C10orf90: variants seen among roughly 807,000 people sequenced by gnomAD.
C10orf90 encodes chromosome 10 open reading frame 90, also known as (E2-independent) E3 ubiquitin-conjugating enzyme FATS.
C10orf90 carries 56 observed loss-of-function variants against 62.5 expected under a neutral mutation model. That is an observed-to-expected ratio of 0.90 (90% CI 0.72 to 1.12). C10orf90 has a LOEUF of 1.12. Ranked by LOEUF, C10orf90 falls within the 50% of genes most tolerant of loss-of-function variation. The pLI is 0.00. For missense variants in C10orf90, 970 were observed against 880.4 expected (o/e 1.10, Z -1.29); for synonymous variants, 386 against 340.4 (o/e 1.13, Z -1.47).
intron 7 of C10orf90, among the ~76,000 whole-genome samples, chr10:126,440,779 A>G (rs1470310651): frequency 1.3e-5 from 2 of 152,178 alleles, no homozygotes; most frequent in African/African-American, 4.8e-5. Context: ...GGCTGGACCC[A>G]GAAGAGAGAT....
rs796970317 is a variant in C10orf90 at position 126,634,825 on chromosome 10, A to G, written c.313+11740T>C. On this transcript the variant is annotated intron_variant, in intron 2 of 9. Coordinates refer to ENST00000488181, the MANE Select transcript of C10orf90 (RefSeq NM_001350921.2). ...GAGCTGGGATTTTCCAAAGCCTCCT[A>G]TTTTCACCCAGACACTGACTCTCAA... Among the ~76,000 whole-genome samples the G allele has an allele frequency of 1.1e-4, 17 of 152,302 alleles. 1 individual carries two copies. Among genetic ancestry groups the G allele is most frequent in the African/African-American group, 3.8e-4 (16 of 41,566 alleles).
intron 2 of C10orf90, among the ~76,000 whole-genome samples, chr10:126,616,074 C>G (rs1845534534): frequency 6.6e-6 from 1 of 152,176 alleles, no homozygotes; most frequent in African/African-American, 2.4e-5. Flanking sequence ...TTCTGCTGGA[C>G]CATTGACCAG....
intron 2 of C10orf90, among the ~76,000 whole-genome samples, chr10:126,567,291 C>T (rs981622676): frequency 6.6e-6 from 1 of 152,120 alleles, no homozygotes; most frequent in East Asian, 1.9e-4. Flanking sequence ...GGCATGTCTT[C>T]ACTTGGCTGG....
At chr10:126,617,148 G>C (rs1395120581) in intron 2 of C10orf90, among the ~76,000 whole-genome samples, 1 of 152,180 alleles carries the variant, frequency 6.6e-6, no homozygotes, top group Non-Finnish European at 1.5e-5. Context: ...ACATTTCTCT[G>C]TGTGGCGGGG....
intron 2 of C10orf90, among the ~76,000 whole-genome samples, chr10:126,572,579 G>A (rs1844529055): frequency 6.6e-6 from 1 of 151,976 alleles, no homozygotes; most frequent in Non-Finnish European, 1.5e-5. Context: ...GGTGGGAGTG[G>A]AGCAGTGAGG....
intron 4 of C10orf90, among the ~76,000 whole-genome samples, chr10:126,495,281 T>C (rs1861981469): frequency 6.6e-6 from 1 of 152,184 alleles, no homozygotes; most frequent in Admixed American, 6.5e-5. Flanking sequence ...CCTGGCACTT[T>C]GGGAGGCCGA....
At chr10:126,538,797 C>T (rs1389328829) in intron 2 of C10orf90, among the ~76,000 whole-genome samples, 1 of 152,166 alleles carries the variant, frequency 6.6e-6, no homozygotes, top group African/African-American at 2.4e-5. Flanking sequence ...ACCATTCTAC[C>T]TCTGCTTATT....
chr10:126,478,778 T>A (rs1237330159), intron 4 of C10orf90, among the ~76,000 whole-genome samples: 1 of 152,048 alleles, frequency 6.6e-6, no homozygotes, highest in Non-Finnish European at 1.5e-5. Context: ...CTGGCCTTGG[T>A]CTTGTCCTTT....
chr10:126,658,497 C>T (rs1309920107), intron 1 of C10orf90, among the ~76,000 whole-genome samples: 2 of 152,184 alleles, frequency 1.3e-5, no homozygotes, highest in Non-Finnish European at 2.9e-5. Context: ...CTATAAGCTA[C>T]AAAAAACATG....
chr10:126,433,737 C>G (rs766349296), intron 7 of C10orf90, among the ~76,000 whole-genome samples: 1 of 151,982 alleles, frequency 6.6e-6, no homozygotes, highest in African/African-American at 2.4e-5. Context: ...AAAACGAAAA[C>G]AAAACAAAAC....
chr10:126,504,361 A>G lies in C10orf90; in HGVS notation c.1130T>C (p.Ile377Thr). The G allele has an allele frequency of 6.2e-7, 1 of 1,614,160 alleles. No homozygotes were observed. Among genetic ancestry groups the G allele is most frequent in the Non-Finnish European group, 8.5e-7 (1 of 1,180,040 alleles). ...SLSVPIEPPQ[I>T]ASPKMHRSVL... ...GGATCTGTGCATTTTGGGGCTGGCA[A>G]TTTGAGGTGGCTCAATGGGGACGGA... Residue 377 changes from isoleucine (I) to threonine (T), a missense_variant, in exon 4 of 10, where the codon ATT becomes ACT. Physicochemically the swap from Ile to Thr is moderately conservative, Grantham distance 89. Transcript: ENST00000488181. The surrounding 1 kb of genome is among the most constrained non-coding windows in gnomAD (Gnocchi z 4.1).
intron 4 of C10orf90, among the ~76,000 whole-genome samples, chr10:126,494,746 A>T (rs1419938605): frequency 1.3e-5 from 2 of 152,252 alleles, no homozygotes; most frequent in Non-Finnish European, 2.9e-5. Flanking sequence ...ACCAGTTTAT[A>T]TACTTCTCAT....
intron 4 of C10orf90, among the ~76,000 whole-genome samples, chr10:126,472,753 G>A (rs929960972): frequency 2.6e-5 from 4 of 152,216 alleles, no homozygotes; most frequent in African/African-American, 7.2e-5. Flanking sequence ...TCCCCACAGA[G>A]TGAAATGTCT....
rs1350461912 is a variant in C10orf90 at position 126,581,458 on chromosome 10, G to T, written c.313+65107C>A. Reference sequence around the variant, plus strand: ...GGTCCTGTCATCATGCCTTCTTCAGGGATGCTGCACTCTGCATCCCTAAAG... The same window carrying T: ...GGTCCTGTCATCATGCCTTCTTCAGTGATGCTGCACTCTGCATCCCTAAAG... On this transcript the variant is annotated intron_variant, in intron 2 of 9. Coordinates refer to ENST00000488181, the MANE Select transcript of C10orf90 (RefSeq NM_001350921.2). 2.0e-5 allele frequency among the ~76,000 whole-genome samples: 3 copies of T among 152,188 alleles called. No homozygotes were observed. In the East Asian group the frequency reaches 5.8e-4, roughly 29 times the overall value.
intron 2 of C10orf90, among the ~76,000 whole-genome samples, chr10:126,527,505 G>A (rs544571478): frequency 6.6e-6 from 1 of 152,302 alleles, no homozygotes; most frequent in East Asian, 1.9e-4. Context: ...CTCAGACTCC[G>A]TAAGGCAGCA....
chr10:126,637,981 T>A (rs1591164647), intron 2 of C10orf90, among the ~76,000 whole-genome samples: 1 of 151,756 alleles, frequency 6.6e-6, no homozygotes, highest in Admixed American at 6.6e-5. Flanking sequence ...CCAAAGATGG[T>A]GAGGAAGCAA....
intron 4 of C10orf90, among the ~76,000 whole-genome samples, chr10:126,469,428 A>G (rs1860451415): frequency 6.6e-6 from 1 of 152,282 alleles, no homozygotes; most frequent in South Asian, 2.1e-4. Context: ...TGAACAAAGC[A>G]GGCCTCCCTG....
chr10:126,470,845 C>A (rs995591119), intron 4 of C10orf90, among the ~76,000 whole-genome samples: 15 of 150,916 alleles, frequency 9.9e-5, no homozygotes, highest in African/African-American at 3.7e-4. Context: ...ATTAGATGGA[C>A]AAGACTGGTA....
chr10:126,565,357 A>T (rs1160171363), intron 2 of C10orf90, among the ~76,000 whole-genome samples: 9 of 59,406 alleles, frequency 1.5e-4, no homozygotes, highest in South Asian at 1.1e-3. Flanking sequence ...ATAATATATA[A>T]TATATATTAT....
Sources: allele counts gnomAD v4.1 joint callset (sites outside exome capture counted in the v4.1 genomes callset), GRCh38; gene constraint gnomAD v4.1.1; non-coding constraint Gnocchi (gnomAD v3.1); transcripts MANE v1.5; gene names NCBI Gene and HGNC (gene_info 2026-07-23, HGNC 2026-07-21).